Variants in LINGO2 observed in about 807,000 individuals in gnomAD.
LINGO2 encodes leucine-rich repeat and immunoglobulin-like domain-containing nogo receptor-interacting protein 2.
LINGO2 carries 14 observed loss-of-function variants against 30.6 expected under a neutral mutation model. That is an observed-to-expected ratio of 0.46 (90% confidence interval 0.30 to 0.72). The LOEUF (loss-of-function observed/expected upper bound fraction) is 0.72. Ranked by LOEUF, LINGO2 falls within the 30% of genes least tolerant of loss-of-function variation. LINGO2 has a pLI of 0.07. For synonymous variants in LINGO2, 317 were observed against 288.5 expected, an observed-to-expected ratio of 1.10 and a Z score of -1.00; for missense variants, 729 against 751.7, an observed-to-expected ratio of 0.97 and a Z score of 0.35.
chr9:29,189,700 A>AC, the LINGO2 span, among the ~76,000 whole-genome samples: 1 of 152,108 alleles, frequency 6.6e-6, no homozygotes, highest in Non-Finnish European at 1.5e-5. Context: ...AGATCACGCC[A>AC]CTGCACTCCA....
chr9:28,675,686 C>T, the LINGO2 span, among the ~76,000 whole-genome samples: 4 of 151,594 alleles, frequency 2.6e-5, no homozygotes, highest in African/African-American at 7.3e-5. Flanking sequence ...GCCTGGACAA[C>T]ATGGTGAAAC....
chr9:28,746,720 A>G, the LINGO2 span, among the ~76,000 whole-genome samples: 11 of 152,040 alleles, frequency 7.2e-5, no homozygotes, highest in Admixed American at 2.6e-4. Flanking sequence ...AACACTCTGC[A>G]TAGTGCCTGA....
At chr9:28,636,067 A>G (rs548722811) in intron 1 of LINGO2, among the ~76,000 whole-genome samples, 2 of 152,132 alleles carry the variant, frequency 1.3e-5, no homozygotes, top group Admixed American at 1.3e-4. Flanking sequence ...GAGTGAGAAC[A>G]TGCAGTCTTT....
At chr9:28,035,881 CACACACACACAA>C (rs1823906855) in intron 4 of LINGO2, among the ~76,000 whole-genome samples, 1 of 88,276 alleles carries the variant, frequency 1.1e-5, no homozygotes, top group African/African-American at 3.7e-5. Context: ...GATAGCAGAA[CACACACACACAA>C]ACACACACAC....
intron 2 of LINGO2, among the ~76,000 whole-genome samples, chr9:28,457,400 T>C (rs1040530547): frequency 6.6e-6 from 1 of 152,066 alleles, no homozygotes; most frequent in African/African-American, 2.4e-5. Context: ...AATGTCACCA[T>C]GTCACAAAGA....
intron 4 of LINGO2, among the ~76,000 whole-genome samples, chr9:28,082,085 C>T (rs1191534212): frequency 1.3e-5 from 2 of 152,140 alleles, no homozygotes; most frequent in Admixed American, 6.5e-5. Flanking sequence ...TGCTATCACA[C>T]TCTCAACTTT....
intron 4 of LINGO2, among the ~76,000 whole-genome samples, chr9:28,277,912 G>A (rs1054197863): frequency 6.6e-6 from 1 of 150,946 alleles, no homozygotes; most frequent in Non-Finnish European, 1.5e-5. Context: ...AAGTCCAGAC[G>A]GGCTGAAAGC....
intron 4 of LINGO2, among the ~76,000 whole-genome samples, chr9:28,211,876 T>C (rs1820604248): frequency 6.6e-6 from 1 of 151,362 alleles, no homozygotes. Flanking sequence ...CTTTCTTCCT[T>C]GCTCTATTTT....
At chr9:28,495,079 G>A (rs1819550319) in intron 1 of LINGO2, among the ~76,000 whole-genome samples, 2 of 152,036 alleles carry the variant, frequency 1.3e-5, no homozygotes, top group African/African-American at 4.8e-5. Flanking sequence ...GTTTTTTCTT[G>A]TAAATTTGTT....
rs116025519 is a variant in LINGO2, at chr9:28,061,018, G to C, written c.-86-48613C>G. Reference sequence around the variant, plus strand: ...CTTCCTCTCCCCTGAAGTTAGGGAAGAATCCACAGTCGCATGCTGTTATTA... The same window carrying C: ...CTTCCTCTCCCCTGAAGTTAGGGAACAATCCACAGTCGCATGCTGTTATTA... On this transcript the variant is annotated intron_variant, in intron 4 of 5. Transcript: ENST00000379992. Among the ~76,000 whole-genome samples the C allele has an allele frequency of 6.3e-3, 959 of 152,014 alleles. 17 individuals are homozygous for C. Among genetic ancestry groups the C allele is most frequent in the African/African-American group, 0.022 (896 of 41,480 alleles).
chr9:27,988,841 C>T (rs988047789), intron 5 of LINGO2, among the ~76,000 whole-genome samples: 2 of 151,886 alleles, frequency 1.3e-5, no homozygotes, highest in Non-Finnish European at 2.9e-5. Context: ...ATCATTGATT[C>T]CTGTCTTTCT....
the LINGO2 span, among the ~76,000 whole-genome samples, chr9:29,131,739 A>G: frequency 6.6e-6 from 1 of 152,132 alleles, no homozygotes; most frequent in Non-Finnish European, 1.5e-5. Context: ...CTACATGATC[A>G]TGTAAGCTAT....
chr9:29,079,019 G>C, the LINGO2 span, among the ~76,000 whole-genome samples: 1 of 151,830 alleles, frequency 6.6e-6, no homozygotes, highest in Non-Finnish European at 1.5e-5. Flanking sequence ...AAATGACCTT[G>C]TTACACAACT....
intron 1 of LINGO2, among the ~76,000 whole-genome samples, chr9:28,490,354 GT>G (rs764318800): frequency 2.6e-4 from 40 of 152,174 alleles, no homozygotes; most frequent in Non-Finnish European, 5.1e-4. Context: ...TAGCTCAAGT[GT>G]TTGTTAAAAA....
At chr9:29,041,634 C>CA in the LINGO2 span, among the ~76,000 whole-genome samples, 1 of 151,910 alleles carries the variant, frequency 6.6e-6, no homozygotes, top group Non-Finnish European at 1.5e-5. Context: ...CTAAACCTCT[C>CA]ACTTCATACA....
intron 3 of LINGO2, among the ~76,000 whole-genome samples, chr9:28,348,232 G>C (rs1351010826): frequency 1.3e-5 from 2 of 152,152 alleles, no homozygotes; most frequent in Non-Finnish European, 2.9e-5. Context: ...TTCCATCTGA[G>C]GTACCGGGTT....
At chr9:28,538,935 G>A (rs1461149934) in intron 1 of LINGO2, among the ~76,000 whole-genome samples, 1 of 151,346 alleles carries the variant, frequency 6.6e-6, no homozygotes, top group Non-Finnish European at 1.5e-5. Flanking sequence ...GGGAAAGCAT[G>A]GCATAGAAAA....
intron 1 of LINGO2, among the ~76,000 whole-genome samples, chr9:28,565,197 A>C (rs1208365041): frequency 6.6e-6 from 1 of 152,146 alleles, no homozygotes; most frequent in African/African-American, 2.4e-5. Flanking sequence ...ACTATCAAAA[A>C]ATAGGAATAT....
intron 4 of LINGO2, among the ~76,000 whole-genome samples, chr9:28,225,224 C>A (rs1006166891): frequency 6.6e-6 from 1 of 152,062 alleles, no homozygotes; most frequent in African/African-American, 2.4e-5. Flanking sequence ...GAAACAAATA[C>A]AACACTTAGG....
Sources: gnomAD v4.1 joint callset for allele counts (sites outside exome capture counted in the v4.1 genomes callset) on GRCh38, gnomAD v4.1.1 for gene constraint, MANE v1.5 for transcripts, NCBI Gene and HGNC (gene_info 2026-07-23, HGNC 2026-07-21) for gene names.